The following ARRDC5 variants were observed in gnomAD, a reference collection of about 807,000 sequenced individuals.
The protein encoded by ARRDC5 is arrestin domain containing 5.
Under a neutral mutation model 13.3 loss-of-function variants are expected in ARRDC5, and 12 were observed. That is an observed-to-expected ratio of 0.90 (90% CI 0.58 to 1.46). ARRDC5 has a LOEUF of 1.46. Ranked by LOEUF, ARRDC5 falls within the 40% of genes most tolerant of loss-of-function variation. The probability of loss-of-function intolerance (pLI) is 0.00; values close to 1 mark genes in which losing one functional copy is unlikely to be tolerated. For synonymous variants in ARRDC5, 181 were observed against 173.4 expected, an observed-to-expected ratio of 1.04 and a Z score of -0.34; for missense variants, 406 against 418.7, an observed-to-expected ratio of 0.97 and a Z score of 0.26.
upstream of ARRDC5, chr19:4,903,035 T>TGGTTCTTTTTTA: frequency 3.7e-6 from 1 of 272,896 alleles, no homozygotes; most frequent in African/African-American, 1.2e-4. Context: ...GGTTCTTTTT[T>TGGTTCTTTTTTA]TTTTTTTTTG....
rs117229323 is a variant in ARRDC5, at chr19:4,891,552, C to T, written c.481G>A (p.Glu161Lys). 4.5e-3 allele frequency: 7,263 copies of T among 1,612,900 alleles called. 29 individuals are homozygous for T. The highest frequency in any genetic ancestry group is 0.012 in the Middle Eastern group (72 of 6,062). ...CAGCAGTTGTAGGAGACTTTCTCCT[C>T]AGCCTCCACGAACAAGGGGTTCTAG... ...PFQNPLFVEAEEKVSYNCCRQ... is the reference protein window; with the variant it reads ...PFQNPLFVEAKEKVSYNCCRQ... Residue 161 changes from glutamate (E) to lysine (K), a missense_variant, in exon 3 of 3, where the codon GAG becomes AAG. Transcript: ENST00000650722.
chr19:4,894,700 A>AAGG (rs1568394950), intron 2 of ARRDC5, among the ~76,000 whole-genome samples: 6 of 144,632 alleles, frequency 4.1e-5, no homozygotes, highest in African/African-American at 1.0e-4. Context: ...AAAAAAGAAG[A>AAGG]AGAAGGAGAA....
chr19:4,912,960 A>G, the ARRDC5 span, among the ~76,000 whole-genome samples: 1 of 151,910 alleles, frequency 6.6e-6, no homozygotes, highest in Non-Finnish European at 1.5e-5. Flanking sequence ...GGGTCTTATT[A>G]TATTGCCCAG....
the ARRDC5 span, among the ~76,000 whole-genome samples, chr19:4,911,594 C>T: frequency 6.6e-6 from 1 of 152,198 alleles, no homozygotes; most frequent in Non-Finnish European, 1.5e-5. Flanking sequence ...TGCTGCTGAC[C>T]TGGGGCGTGT....
At chr19:4,911,050 GC>G in the ARRDC5 span, 1 of 1,570,210 alleles carries the variant, frequency 6.4e-7, no homozygotes, top group East Asian at 2.3e-5. Flanking sequence ...TACACCCGCC[GC>G]CAGCACCTTT....
chr19:4,894,438 G>A (rs1470400982), intron 2 of ARRDC5, among the ~76,000 whole-genome samples: 1 of 142,378 alleles, frequency 7.0e-6, no homozygotes, highest in African/African-American at 2.6e-5. Context: ...GTGAACCCGG[G>A]AGGTGGAGCT....
the ARRDC5 span, among the ~76,000 whole-genome samples, chr19:4,908,322 G>C: frequency 3.3e-5 from 5 of 152,296 alleles, no homozygotes; most frequent in African/African-American, 1.2e-4. Context: ...TGACCAGATA[G>C]AGGAGACTTA....
In ARRDC5 at chr19:4,890,924, TG is replaced by T. The variant is rs1398715501; in HGVS notation, c.*121del. On this transcript the variant is annotated 3_prime_UTR_variant, in exon 3 of 3. Transcript: ENST00000650722. ...CACAGATACCTAAACCGCTAGAGCT[TG>T]GGGAGGTTGCAGACAACCTGTTGCC... is the stretch of plus-strand genomic sequence containing the variant. The T allele has an allele frequency of 4.1e-6, 3 of 731,332 alleles. No homozygotes were observed. The highest frequency in any genetic ancestry group is 6.7e-6 in the Non-Finnish European group (3 of 444,930). 45.3% of individuals were successfully genotyped at this position (731,332 alleles called of 1,614,324 possible). A position where few individuals can be genotyped will look rare whatever the true frequency, so the allele number is the denominator to read the frequency against.
chr19:4,909,376 GC>G, the ARRDC5 span: 14 of 609,470 alleles, frequency 2.3e-5, no homozygotes, highest in East Asian at 3.3e-5. Flanking sequence ...AGGCGGGGGC[GC>G]CCCCCACCCT....
chr19:4,909,166 G>A, the ARRDC5 span: 2 of 360,234 alleles, frequency 5.6e-6, no homozygotes, highest in Non-Finnish European at 1.0e-5. Context: ...GTCAATGCGT[G>A]CGAGTGGGGG....
the ARRDC5 span, among the ~76,000 whole-genome samples, chr19:4,914,361 A>G: frequency 2.0e-4 from 31 of 152,260 alleles, 1 homozygote; most frequent in African/African-American, 7.2e-4. Flanking sequence ...ACAAATGGGC[A>G]GTTGTCCTTA....
At chr19:4,908,915 C>T in the ARRDC5 span, among the ~76,000 whole-genome samples, 1 of 151,990 alleles carries the variant, frequency 6.6e-6, no homozygotes, top group Non-Finnish European at 1.5e-5. Context: ...ACAGACAGGG[C>T]GGAGGGGGCA....
At chr19:4,895,720 C>G (rs1399178676) in intron 2 of ARRDC5, among the ~76,000 whole-genome samples, 1 of 152,200 alleles carries the variant, frequency 6.6e-6, no homozygotes, top group African/African-American at 2.4e-5. Context: ...TGGAGGGCCA[C>G]TGAGTGTACA....
At position 4,896,792 on chromosome 19, in the gene ARRDC5, A is replaced by C; in HGVS notation, c.338T>G (p.Phe113Cys). Residue 113 changes from phenylalanine (F) to cysteine (C), a missense_variant, in exon 2 of 3, where the codon TTT (phenylalanine) becomes TGT (cysteine). Coordinates refer to ENST00000650722, the MANE Select transcript of ARRDC5 (RefSeq NM_001080523.3). ...PRLPSTFTSK[F>C]GHVFYFVQAS... Reference sequence around the variant, plus strand: ...TTGTACGAAATAGAAGACATGGCCAAATTTGCTGGTGAAGGTAGAAGGAAG... The same window carrying C: ...TTGTACGAAATAGAAGACATGGCCACATTTGCTGGTGAAGGTAGAAGGAAG... 6.8e-6 allele frequency: 11 copies of C among 1,613,878 alleles called. No individual in the cohort carries two copies. Among genetic ancestry groups the C allele is most frequent in the Non-Finnish European group, 8.5e-6 (10 of 1,179,844 alleles).
At chr19:4,909,885 G>A in the ARRDC5 span, 7 of 375,864 alleles carry the variant, frequency 1.9e-5, no homozygotes, top group East Asian at 2.7e-4. Flanking sequence ...GGTCGAGCGC[G>A]CCGGGTGGGG....
At chr19:4,897,110 C>T (rs1315538643) in intron 1 of ARRDC5, among the ~76,000 whole-genome samples, 1 of 152,132 alleles carries the variant, frequency 6.6e-6, no homozygotes, top group Non-Finnish European at 1.5e-5. Flanking sequence ...GCGTGCACCA[C>T]CACACCTGGC....
At chr19:4,901,713 T>C (rs1306839890) in intron 1 of ARRDC5, among the ~76,000 whole-genome samples, 1 of 152,168 alleles carries the variant, frequency 6.6e-6, no homozygotes, top group African/African-American at 2.4e-5. Flanking sequence ...CCACGTGTTC[T>C]GCTTGACTGC....
At chr19:4,900,924 C>T (rs1168652201) in intron 1 of ARRDC5, among the ~76,000 whole-genome samples, 3 of 151,720 alleles carry the variant, frequency 2.0e-5, no homozygotes, top group South Asian at 2.1e-4. Flanking sequence ...GAGGCTGAGG[C>T]GGGACAATCG....
the ARRDC5 span, chr19:4,909,783 G>T: frequency 2.2e-6 from 1 of 459,510 alleles, no homozygotes; most frequent in Non-Finnish European, 3.8e-6. Flanking sequence ...GGGATCCAGG[G>T]CCTCCCCTTC....
Sources: allele counts gnomAD v4.1 joint callset (sites outside exome capture counted in the v4.1 genomes callset), GRCh38; gene constraint gnomAD v4.1.1; transcripts MANE v1.5; gene names NCBI Gene and HGNC (gene_info 2026-07-23, HGNC 2026-07-21).